Variants in WDFY4 observed in about 807,000 individuals in gnomAD.
The protein encoded by WDFY4 is WD repeat- and FYVE domain-containing protein 4.
In WDFY4, 169 loss-of-function variants were observed where a neutral mutation model predicts 351.9. That is an observed-to-expected ratio of 0.48 (90% CI 0.42 to 0.55). WDFY4 has a LOEUF of 0.55. Among genes scored for constraint, WDFY4 ranks in the 20% least tolerant of loss-of-function variants. WDFY4 has a pLI of 0.00. For synonymous variants in WDFY4, 1,622 were observed against 1,574.6 expected, an observed-to-expected ratio of 1.03 and a Z score of -0.71; for missense variants, 3,803 against 3,935.6, an observed-to-expected ratio of 0.97 and a Z score of 0.90.
intron 1 of WDFY4, among the ~76,000 whole-genome samples, chr10:48,700,109 A>G (rs191644596): frequency 6.6e-6 from 1 of 152,320 alleles, no homozygotes; most frequent in Non-Finnish European, 1.5e-5. Context: ...GGCAGGTTTT[A>G]GGCTGAAGGT....
At chr10:48,911,648 G>C (rs1838013961) in intron 47 of WDFY4, among the ~76,000 whole-genome samples, 1 of 152,158 alleles carries the variant, frequency 6.6e-6, no homozygotes, top group Non-Finnish European at 1.5e-5. Flanking sequence ...TGACAGGAAT[G>C]CTATAATTTT....
chr10:48,944,203 G>A (rs1338005442), intron 49 of WDFY4, among the ~76,000 whole-genome samples: 1 of 152,180 alleles, frequency 6.6e-6, no homozygotes, highest in Non-Finnish European at 1.5e-5. Context: ...CACACAGAAA[G>A]GACAAGCTAC....
In WDFY4 at chr10:48,974,918, C is replaced by T; in HGVS notation, c.8985C>T (p.Ser2995=). 1 of 1,551,548 alleles carries T rather than the reference C, an allele frequency of 6.4e-7. No individual in the cohort carries two copies. The highest frequency in any genetic ancestry group is 1.2e-5 in the South Asian group (1 of 84,054). The change falls in exon 58 of 62, where the codon AGC becomes AGT. Residue 2995 remains serine (S), a synonymous_variant. Transcript: ENST00000325239. ...GCCTGGCAGCGTCAGTCACCTTCAG[C>T]CTCCTGGTGAGCGGCTCCCAGGACT... The part of the protein sequence containing the change: ...VTCLAASVTF[S]LLVSGSQDCT...
Position 48,901,883 on chromosome 10 carries a change from C to T in WDFY4, c.7586+20C>T. On this transcript the variant is annotated intron_variant, in intron 47 of 61. Transcript: ENST00000325239. Reference sequence around the variant, plus strand: ...TCTAAGGTAATGGCGGGTAGCCATGCTGTCTGGGCATGGCACTGCCCTGGC... The same window carrying T: ...TCTAAGGTAATGGCGGGTAGCCATGTTGTCTGGGCATGGCACTGCCCTGGC... 2.6e-6 allele frequency: 4 copies of T among 1,549,614 alleles called. No individual in the cohort carries two copies. Among genetic ancestry groups the T allele is most frequent in the Non-Finnish European group, 3.5e-6 (4 of 1,145,182 alleles).
chr10:48,750,161 C>T (rs1025534254), intron 12 of WDFY4, among the ~76,000 whole-genome samples: 1 of 152,190 alleles, frequency 6.6e-6, no homozygotes, highest in African/African-American at 2.4e-5. Flanking sequence ...ATATCTGTCA[C>T]TTAAGTTTGT....
chr10:48,978,051 G>A lies in WDFY4; in HGVS notation c.9292-258G>A, dbSNP rs1348082182. On this transcript the variant is annotated intron_variant, in intron 59 of 61. Transcript: ENST00000325239. The stretch of plus-strand genomic sequence containing the variant: ...ATCCCTGCAAGAAAAGGGCTGTGGG[G>A]GTCATGAGATGCACTTAGGGACATG... 4.6e-5 allele frequency among the ~76,000 whole-genome samples: 7 copies of A among 152,160 alleles called. 1 individual carries two copies. Among genetic ancestry groups the A allele is most frequent in the East Asian group, 1.9e-4 (1 of 5,190 alleles).
intron 39 of WDFY4, 74 bp downstream of exon 39, chr10:48,832,783 TG>T: frequency 7.0e-7 from 1 of 1,423,106 alleles, no homozygotes; most frequent in Middle Eastern, 1.9e-4. Flanking sequence ...ATCTCTTCTT[TG>T]CTGCCTGTTA....
chr10:48,801,912 A>G (rs2067100099), intron 24 of WDFY4, among the ~76,000 whole-genome samples: 1 of 152,016 alleles, frequency 6.6e-6, no homozygotes, highest in African/African-American at 2.4e-5. Context: ...TATTGACCCT[A>G]TGGGTCACTA....
chr10:48,888,881 T>C (rs2070576242), intron 43 of WDFY4, among the ~76,000 whole-genome samples: 1 of 152,172 alleles, frequency 6.6e-6, no homozygotes, highest in Non-Finnish European at 1.5e-5. Context: ...ATCACTCTGG[T>C]TTTTCTCTCT....
intron 1 of WDFY4, among the ~76,000 whole-genome samples, chr10:48,709,016 C>G (rs11101435): frequency 1.3e-5 from 2 of 150,432 alleles, no homozygotes; most frequent in African/African-American, 4.9e-5. Flanking sequence ...CACCCCCCCC[C>G]CCCAAACAGG....
chr10:48,877,480 C>T (rs2070067316), intron 43 of WDFY4, among the ~76,000 whole-genome samples: 1 of 152,246 alleles, frequency 6.6e-6, no homozygotes, highest in Non-Finnish European at 1.5e-5. Flanking sequence ...CTTTGACCTT[C>T]ATAACAACCT....
chr10:48,851,908 G>A (rs1199484701), intron 39 of WDFY4, among the ~76,000 whole-genome samples: 2 of 152,250 alleles, frequency 1.3e-5, no homozygotes, highest in Non-Finnish European at 2.9e-5. Context: ...CACTGGGAGA[G>A]CAGGGCCTAG....
intron 43 of WDFY4, among the ~76,000 whole-genome samples, chr10:48,888,337 TTTC>T (rs1478301003): frequency 6.8e-6 from 1 of 146,632 alleles, no homozygotes; most frequent in Admixed American, 6.8e-5. Flanking sequence ...TCCCTTTCCT[TTTC>T]TTTTCTTTTT....
intron 55 of WDFY4, chr10:48,968,070 C>T (rs558692549): frequency 2.0e-5 from 3 of 152,390 alleles, no homozygotes; most frequent in African/African-American, 7.2e-5. Flanking sequence ...GCTCAAATCT[C>T]CCATGTGGGC....
Position 48,752,273 on chromosome 10 carries a change from G to A in WDFY4, c.2460-8074G>A, listed in dbSNP as rs112318172. ...ATTTCCCGAATCACAAATCCCTGGG[G>A]TTGAAATTTAGGGTTCTGTTTTTAA... On this transcript the variant is annotated intron_variant, in intron 12 of 61. Transcript: ENST00000325239. 8.5e-4 allele frequency among the ~76,000 whole-genome samples: 130 copies of A among 152,324 alleles called. 1 individual carries two copies. The highest frequency in any genetic ancestry group is 3.0e-3 in the African/African-American group (123 of 41,570).
intron 47 of WDFY4, chr10:48,913,553 C>T: frequency 1.9e-6 from 3 of 1,614,126 alleles, no homozygotes; most frequent in Non-Finnish European, 2.5e-6. Flanking sequence ...CCTTCTCCTC[C>T]ACAACATACA....
intron 39 of WDFY4, among the ~76,000 whole-genome samples, chr10:48,863,727 C>A (rs1457890014): frequency 6.6e-6 from 1 of 151,790 alleles, no homozygotes; most frequent in East Asian, 1.9e-4. Context: ...TTGTATTAGT[C>A]CGTTTTCATA....
chr10:48,976,837 G>A lies in WDFY4; in HGVS notation c.9149G>A (p.Trp3050Ter), dbSNP rs1842590481. ...VSCAGAHLSL[W>*]NVNGQPLASI... ...TGTGCGGGAGCACACTTGTCCCTGTGGAATGTCAATGGACAGCCCCTGGCC... is the reference window on the plus strand; with the variant it reads ...TGTGCGGGAGCACACTTGTCCCTGTAGAATGTCAATGGACAGCCCCTGGCC... The change falls in exon 59 of 62, where the codon TGG becomes TAG. Residue 3050 changes from tryptophan to a stop codon, truncating the protein, a stop_gained. Transcript: ENST00000325239. LOFTEE classifies it high-confidence loss of function. 4.6e-6 allele frequency: 7 copies of A among 1,518,532 alleles called. No individual in the cohort carries two copies. Among genetic ancestry groups the A allele is most frequent in the Non-Finnish European group, 6.2e-6 (7 of 1,128,822 alleles). 94.1% of individuals were successfully genotyped at this position (1,518,532 alleles called of 1,614,324 possible).
intron 13 of WDFY4, among the ~76,000 whole-genome samples, chr10:48,765,601 C>A (rs762086790): frequency 6.6e-6 from 1 of 152,062 alleles, no homozygotes; most frequent in Non-Finnish European, 1.5e-5. Context: ...ATCAGTAGAC[C>A]CATTTTGCAG....
Sources: allele counts gnomAD v4.1 joint callset (sites outside exome capture counted in the v4.1 genomes callset), GRCh38; gene constraint gnomAD v4.1.1; transcripts MANE v1.5; gene names NCBI Gene and HGNC (gene_info 2026-07-23, HGNC 2026-07-21).